FRMD3: variants seen among roughly 807,000 people sequenced by gnomAD.
The protein encoded by FRMD3 is FERM domain containing 3, also known as FERM domain-containing protein 3.
In FRMD3, 33 loss-of-function variants were observed where a neutral mutation model predicts 70.2. The observed-to-expected ratio is 0.47, with a 90% CI of 0.36 to 0.63. The LOEUF (loss-of-function observed/expected upper bound fraction) is 0.63. Among genes scored for constraint, FRMD3 ranks in the 20% least tolerant of loss-of-function variants. The pLI, the probability that FRMD3 is intolerant of heterozygous loss-of-function variation, is 0.00. For missense variants in FRMD3, 632 were observed against 711.4 expected (o/e 0.89, Z 1.27); for synonymous variants, 279 against 255.9 (o/e 1.09, Z -0.86).
chr9:83,432,532 C>A (rs1827012463), intron 1 of FRMD3, among the ~76,000 whole-genome samples: 1 of 152,186 alleles, frequency 6.6e-6, no homozygotes, highest in Non-Finnish European at 1.5e-5. Flanking sequence ...TTCAATGAAG[C>A]CCAGCACCCC....
rs1829948723 is a variant in FRMD3 at position 83,538,330 on chromosome 9, C to T, written c.-99G>A. 1.7e-6 allele frequency: 2 copies of T among 1,194,018 alleles called. No homozygotes were observed. Among genetic ancestry groups the T allele is most frequent in the East Asian group, 3.1e-5 (1 of 32,716 alleles). The allele number at this position is 1,194,018 out of a possible 1,614,324, so 74.0% of individuals were successfully genotyped here. A position where few individuals can be genotyped will look rare whatever the true frequency, so the allele number is the denominator to read the frequency against. On this transcript the variant is annotated 5_prime_UTR_variant, in exon 1 of 14. Transcript: ENST00000304195. This position sits in a 1 kb window ranked among gnomAD's most constrained non-coding sequence, Gnocchi z 4.7. Reference sequence around the variant, plus strand: ...GCACGCACTGTCCGGGACACCTGGGCGCGGCTCAGCCCCGGGACATCGGCA... The same window carrying T: ...GCACGCACTGTCCGGGACACCTGGGTGCGGCTCAGCCCCGGGACATCGGCA...
intron 1 of FRMD3, among the ~76,000 whole-genome samples, chr9:83,424,281 T>C (rs927303809): frequency 2.4e-4 from 37 of 152,198 alleles, no homozygotes; most frequent in African/African-American, 1.4e-4. Context: ...TGCAGTTCTA[T>C]AAAACAGTGA....
At chr9:83,501,512 A>G (rs1010764611) in intron 1 of FRMD3, among the ~76,000 whole-genome samples, 4 of 152,232 alleles carry the variant, frequency 2.6e-5, no homozygotes, top group Non-Finnish European at 5.9e-5. Flanking sequence ...GAGCTGAGCT[A>G]CAAAGCCAGG....
At chr9:83,445,379 TAGAC>T (rs150063251) in intron 1 of FRMD3, among the ~76,000 whole-genome samples, 2 of 150,858 alleles carry the variant, frequency 1.3e-5, no homozygotes. Flanking sequence ...GATAGATAGA[TAGAC>T]AGATAGATAA....
intron 13 of FRMD3, among the ~76,000 whole-genome samples, chr9:83,270,142 G>A (rs1833483883): frequency 6.6e-6 from 1 of 152,208 alleles, no homozygotes; most frequent in African/African-American, 2.4e-5. Context: ...ACATTTGGAT[G>A]CCCTTGAATA....
chr9:83,252,319 G>A (rs1445898493), intron 13 of FRMD3, among the ~76,000 whole-genome samples: 2 of 152,146 alleles, frequency 1.3e-5, no homozygotes, highest in Non-Finnish European at 2.9e-5. Context: ...AAAAGCAAAT[G>A]CTGAGGGAAT....
intron 10 of FRMD3, among the ~76,000 whole-genome samples, chr9:83,305,866 A>T (rs1835110954): frequency 6.6e-6 from 1 of 152,240 alleles, no homozygotes; most frequent in Non-Finnish European, 1.5e-5. Flanking sequence ...GCTCACAGCT[A>T]AACCCTCCAA....
At chr9:83,257,068 A>G (rs189243573) in intron 13 of FRMD3, among the ~76,000 whole-genome samples, 1 of 152,332 alleles carries the variant, frequency 6.6e-6, no homozygotes, top group African/African-American at 2.4e-5. Context: ...AGATACATGC[A>G]TGCATATGTT....
At chr9:83,358,397 C>CTTT (rs1824473312) in intron 3 of FRMD3, among the ~76,000 whole-genome samples, 1 of 151,924 alleles carries the variant, frequency 6.6e-6, no homozygotes, top group African/African-American at 2.4e-5. Flanking sequence ...TTTGCATAGT[C>CTTT]TTGCTTTGTC....
Position 83,317,082 on chromosome 9 carries a change from G to A in FRMD3, c.597-3335C>T, listed in dbSNP as rs80212785. Among the ~76,000 whole-genome samples the A allele has an allele frequency of 3.9e-3, 598 of 151,670 alleles. 10 individuals carry two copies. The highest frequency in any genetic ancestry group is 0.039 in the East Asian group (203 of 5,160). On this transcript the variant is annotated intron_variant, in intron 6 of 13. Transcript: ENST00000304195. ...TAGCCAGATATTGTGCACTATGATC[G>A]TGCCACTGTCCTTCAGCCTGGGTGG...
At chr9:83,413,965 A>G (rs1826351395) in intron 1 of FRMD3, among the ~76,000 whole-genome samples, 1 of 152,240 alleles carries the variant, frequency 6.6e-6, no homozygotes, top group Non-Finnish European at 1.5e-5. Flanking sequence ...CCTAGCAGGA[A>G]CCAGCCGGGA....
Position 83,512,776 on chromosome 9 carries a change from C to T in FRMD3, c.147+25309G>A, listed in dbSNP as rs1206138538. 2.0e-5 allele frequency among the ~76,000 whole-genome samples: 3 copies of T among 152,254 alleles called. No homozygotes were observed. The East Asian group carries it at 5.8e-4, about 29-fold the overall frequency. ...TTTCCTGGGAGGAATCTTACACTTC[C>T]GGTGTCTTTCAGCATCTCTGACTGT... On this transcript the variant is annotated intron_variant, in intron 1 of 13. Transcript: ENST00000304195.
In FRMD3 at chr9:83,290,675, T is replaced by A; in HGVS notation, c.1123A>T (p.Ile375Phe). The change falls in exon 13 of 14, where the codon ATT (isoleucine) becomes TTT (phenylalanine). Residue 375 changes from isoleucine to phenylalanine, a missense_variant. Ile to Phe is a conservative substitution (Grantham distance 21). Around this residue, in one of 3 missense-constraint regions of FRMD3, gnomAD observed 418 missense variants for 442.1 expected, o/e 0.95. Coordinates refer to ENST00000304195, the MANE Select transcript of FRMD3 (RefSeq NM_174938.6). ...SSHSLNKQLI[I>F]NMEPLQPLLP... Reference sequence around the variant, plus strand: ...AGGGGCTGCAGGGGTTCCATGTTAATGATGAGCTGTTTGTTCAAGGAGTGG... The same window carrying A: ...AGGGGCTGCAGGGGTTCCATGTTAAAGATGAGCTGTTTGTTCAAGGAGTGG... 6.2e-7 allele frequency: 1 copy of A among 1,613,954 alleles called. No homozygotes were observed. The highest frequency in any genetic ancestry group is 8.5e-7 in the Non-Finnish European group (1 of 1,179,922).
chr9:83,576,678 C>G, the FRMD3 span, among the ~76,000 whole-genome samples: 1 of 152,006 alleles, frequency 6.6e-6, no homozygotes, highest in East Asian at 1.9e-4. Flanking sequence ...TACTCTCCCC[C>G]ATGATCAATA....
At chr9:83,400,322 T>A (rs1825918531) in intron 1 of FRMD3, among the ~76,000 whole-genome samples, 1 of 152,106 alleles carries the variant, frequency 6.6e-6, no homozygotes, top group African/African-American at 2.4e-5. Context: ...ATGAAATACT[T>A]AGGGATAACT....
At chr9:83,566,082 T>C in the FRMD3 span, among the ~76,000 whole-genome samples, 2,046 of 152,314 alleles carry the variant, frequency 0.013, 50 homozygotes, top group African/African-American at 0.046. Context: ...ATGCTGCTGA[T>C]AGAGACATAC....
At chr9:83,379,038 C>A (rs1431986297) in intron 2 of FRMD3, among the ~76,000 whole-genome samples, 1 of 151,408 alleles carries the variant, frequency 6.6e-6, no homozygotes, top group Admixed American at 6.6e-5. Flanking sequence ...TGACTTTGTC[C>A]TTCTCTTTCT....
intron 13 of FRMD3, among the ~76,000 whole-genome samples, chr9:83,253,995 C>T (rs887270285): frequency 6.6e-6 from 1 of 152,076 alleles, no homozygotes; most frequent in African/African-American, 2.4e-5. Context: ...AACCATCATT[C>T]TCAGCAAACT....
At chr9:83,451,389 TCACACACACACACA>T (rs10611241) in intron 1 of FRMD3, among the ~76,000 whole-genome samples, 1 of 147,478 alleles carries the variant, frequency 6.8e-6, no homozygotes, top group African/African-American at 2.5e-5. Flanking sequence ...AATACATACA[TCACACACACACACA>T]CACACACACA....
Sources: gnomAD v4.1 joint callset for allele counts (sites outside exome capture counted in the v4.1 genomes callset) on GRCh38, gnomAD v4.1.1 for gene constraint, gnomAD v4.1.1 regional missense constraint, Gnocchi (gnomAD v3.1) non-coding constraint, MANE v1.5 for transcripts, NCBI Gene and HGNC (gene_info 2026-07-23, HGNC 2026-07-21) for gene names.